SMAD3: variants seen among roughly 807,000 people sequenced by gnomAD.
SMAD3 encodes SMAD family member 3.
In SMAD3, 12 loss-of-function variants were observed where a neutral mutation model predicts 51.8. The observed-to-expected ratio is 0.23, with a 90% CI of 0.15 to 0.38. SMAD3 has a LOEUF of 0.38. SMAD3 is among the 10% of genes least tolerant of loss of function. SMAD3 has a pLI of 1.00. For missense variants in SMAD3, 294 were observed against 565.6 expected (o/e 0.52, Z 4.87); for synonymous variants, 238 against 227.7 (o/e 1.05, Z -0.41).
chr15:67,067,611 G>A (rs565669314), intron 1 of SMAD3, among the ~76,000 whole-genome samples: 1 of 152,314 alleles, frequency 6.6e-6, no homozygotes, highest in South Asian at 2.1e-4. Context: ...GCTGCCAGGC[G>A]AGTCAGGCAG....
chr15:67,162,628 C>T (rs1455070289), intron 1 of SMAD3, among the ~76,000 whole-genome samples: 1 of 152,152 alleles, frequency 6.6e-6, no homozygotes, highest in African/African-American at 2.4e-5. Flanking sequence ...GCCTCCCCGG[C>T]CTCGTCTCAA....
chr15:67,141,420 G>C (rs1595924092), intron 1 of SMAD3, among the ~76,000 whole-genome samples: 1 of 152,172 alleles, frequency 6.6e-6, no homozygotes, highest in African/African-American at 2.4e-5. Flanking sequence ...GAACTTCAGT[G>C]GGGGAATGTT....
chr15:67,118,164 A>G (rs963755739), intron 1 of SMAD3, among the ~76,000 whole-genome samples: 1 of 152,258 alleles, frequency 6.6e-6, no homozygotes, highest in African/African-American at 2.4e-5. Flanking sequence ...TGGCACAGCA[A>G]TTGGTGCCCA....
chr15:67,107,367 A>G (rs1303495795), intron 1 of SMAD3, among the ~76,000 whole-genome samples: 2 of 151,582 alleles, frequency 1.3e-5, no homozygotes, highest in African/African-American at 4.9e-5. Context: ...CTGCTGCGCC[A>G]CTCCCACCAC....
chr15:67,086,698 A>G (rs1376501776), intron 1 of SMAD3, among the ~76,000 whole-genome samples: 1 of 152,134 alleles, frequency 6.6e-6, no homozygotes, highest in Admixed American at 6.5e-5. Flanking sequence ...ACTCTTAGAA[A>G]TGGAAAATAT....
At chr15:67,181,123 A>T in intron 5 of SMAD3, 118 bp from the exon 6 acceptor site, 1 of 779,370 alleles carries the variant, frequency 1.3e-6, no homozygotes, top group Non-Finnish European at 2.2e-6. Context: ...TGGGGTAGGG[A>T]GATTATAATC....
intron 3 of SMAD3, chr15:67,166,038 T>C (rs957215207): frequency 3.5e-6 from 1 of 285,374 alleles, no homozygotes; most frequent in Non-Finnish European, 5.4e-6. Flanking sequence ...GCTGCGTTCC[T>C]CTTAGAGCAT....
At chr15:67,117,894 C>T (rs1271547640) in intron 1 of SMAD3, among the ~76,000 whole-genome samples, 1 of 152,122 alleles carries the variant, frequency 6.6e-6, no homozygotes, top group Non-Finnish European at 1.5e-5. Context: ...GAGTTCAAGA[C>T]CAGCCTGGCC....
chr15:67,187,614 A>C, intron 8 of SMAD3, 105 bp downstream of exon 8: 1 of 1,403,074 alleles, frequency 7.1e-7, no homozygotes, highest in South Asian at 1.2e-5. Flanking sequence ...CCCTAGCGTC[A>C]AGAGCAGAAA....
At chr15:67,139,663 A>G (rs1332656948) in intron 1 of SMAD3, among the ~76,000 whole-genome samples, 1 of 152,120 alleles carries the variant, frequency 6.6e-6, no homozygotes, top group Non-Finnish European at 1.5e-5. Context: ...CTCCTAAGCC[A>G]GGTACGATTC....
At chr15:67,090,914 C>T (rs1960495249) in intron 1 of SMAD3, among the ~76,000 whole-genome samples, 1 of 152,218 alleles carries the variant, frequency 6.6e-6, no homozygotes, top group South Asian at 2.1e-4. Flanking sequence ...CCCTCCCTCC[C>T]TACTTGAACA....
chr15:67,183,340 G>A (rs1312333125), intron 6 of SMAD3, among the ~76,000 whole-genome samples: 5 of 151,736 alleles, frequency 3.3e-5, no homozygotes, highest in East Asian at 3.9e-4. Context: ...CACCATGCCC[G>A]GCCTATTTTT....
rs577944926 is a variant in SMAD3, at chr15:67,114,920, C to G, written c.206+48560C>G. Among the ~76,000 whole-genome samples the G allele has an allele frequency of 1.7e-4, 26 of 152,352 alleles. No individual in the cohort carries two copies. In the South Asian group the frequency reaches 5.2e-3, roughly 30 times the overall value. ...CCAGGAGCAGCCTTGTAATATGCCA[C>G]ACATGTTGTTACTGCCTGTGGCTTT... On this transcript the variant is annotated intron_variant, in intron 1 of 8. Transcript: ENST00000327367.
At chr15:67,145,338 A>G (rs1232843755) in intron 1 of SMAD3, among the ~76,000 whole-genome samples, 1 of 152,192 alleles carries the variant, frequency 6.6e-6, no homozygotes, top group African/African-American at 2.4e-5. Context: ...CAATCCACGA[A>G]GGGGGGAGTT....
In SMAD3 at chr15:67,086,634, A is replaced by C. The variant is rs527571367; in HGVS notation, c.206+20274A>C. Among the ~76,000 whole-genome samples the C allele has an allele frequency of 5.9e-5, 9 of 152,334 alleles. No homozygotes were observed. The South Asian group carries it at 1.9e-3, about 32-fold the overall frequency. On this transcript the variant is annotated intron_variant, in intron 1 of 8. Coordinates refer to ENST00000327367, the MANE Select transcript of SMAD3 (RefSeq NM_005902.4). ...CAAGGTTTGAGATGCAGTTGTAGAC[A>C]CATGCCAGATGTAGGTTGCTATTTT...
intron 1 of SMAD3, among the ~76,000 whole-genome samples, chr15:67,150,517 G>A (rs1206695467): frequency 3.3e-5 from 5 of 152,142 alleles, no homozygotes; most frequent in Non-Finnish European, 7.4e-5. Context: ...CCACCCCCAA[G>A]CGTGCAGTCT....
At chr15:67,172,868 A>T (rs556336734) in intron 5 of SMAD3, among the ~76,000 whole-genome samples, 1 of 151,988 alleles carries the variant, frequency 6.6e-6, no homozygotes, top group Admixed American at 6.5e-5. Context: ...GCATTTGCTG[A>T]CTTTTACGTT....
intron 1 of SMAD3, among the ~76,000 whole-genome samples, chr15:67,109,002 C>T (rs920072458): frequency 1.3e-5 from 2 of 152,198 alleles, no homozygotes; most frequent in Non-Finnish European, 2.9e-5. Flanking sequence ...CTCAAGTTGG[C>T]TTTTGTCTCA....
intron 1 of SMAD3, among the ~76,000 whole-genome samples, chr15:67,075,266 T>G (rs1960143646): frequency 6.6e-6 from 1 of 152,236 alleles, no homozygotes; most frequent in African/African-American, 2.4e-5. Context: ...CAAATCTTCC[T>G]GGTTGTAAAC....
Sources: gnomAD v4.1 joint callset for allele counts (sites outside exome capture counted in the v4.1 genomes callset) on GRCh38, gnomAD v4.1.1 for gene constraint, MANE v1.5 for transcripts, NCBI Gene and HGNC (gene_info 2026-07-23, HGNC 2026-07-21) for gene names.